APLP2: variants seen among roughly 807,000 people sequenced by gnomAD.
APLP2 encodes the protein amyloid beta precursor like protein 2, also known as CDEI box-binding protein.
In APLP2, 53 loss-of-function variants were observed where a neutral mutation model predicts 89.9. That is an observed-to-expected ratio of 0.59 (90% CI 0.47 to 0.74). The LOEUF (loss-of-function observed/expected upper bound fraction) is 0.74, where lower values mean the gene tolerates loss of function less well. Among genes scored for constraint, APLP2 ranks in the 30% least tolerant of loss-of-function variants. APLP2 has a pLI of 0.00. For missense variants in APLP2, 973 were observed against 975.9 expected (o/e 1.00, Z 0.04); for synonymous variants, 372 against 348.6 (o/e 1.07, Z -0.75).
chr11:130,091,807 C>G (rs1190018948), intron 1 of APLP2, among the ~76,000 whole-genome samples: 1 of 148,902 alleles, frequency 6.7e-6, no homozygotes, highest in Non-Finnish European at 1.5e-5. Flanking sequence ...GGCGGCTGGT[C>G]GGGCGGGGGG....
intron 3 of APLP2, chr11:130,114,445 T>C (rs1948948273): frequency 6.6e-6 from 1 of 152,182 alleles, no homozygotes. Context: ...ATAGCAGGAG[T>C]AGTGCGATAC....
chr11:130,099,924 A>G (rs1318163281), intron 1 of APLP2, among the ~76,000 whole-genome samples: 2 of 152,178 alleles, frequency 1.3e-5, no homozygotes, highest in Admixed American at 1.3e-4. Flanking sequence ...TCTGCGTGTT[A>G]TTTTAATCGA....
chr11:130,122,482 G>C lies in APLP2; in HGVS notation c.891G>C (p.Met297Ile). The change falls in exon 6 of 17, where the codon ATG becomes ATC. Residue 297 changes from methionine to isoleucine, a missense_variant. Transcript: ENST00000338167. Reference protein sequence around the residue: ...NPTEPGSDGTMSDKEITHDVK... With the variant: ...NPTEPGSDGTISDKEITHDVK... ...CTGAACCCGGCAGCGACGGCACCAT[G>C]TCAGACAAGGAAATTACTCATGATG... 1 of 1,614,114 alleles carries C rather than the reference G, an allele frequency of 6.2e-7. No individual in the cohort carries two copies. Among genetic ancestry groups the C allele is most frequent in the South Asian group, 1.1e-5 (1 of 91,080 alleles).
chr11:130,114,609 TA>T (rs1948969284), intron 3 of APLP2, among the ~76,000 whole-genome samples: 1 of 152,228 alleles, frequency 6.6e-6, no homozygotes, highest in African/African-American at 2.4e-5. Flanking sequence ...TACTTTCTGA[TA>T]CAAAAGATTC....
At chr11:130,072,877 A>G (rs998259637) in intron 1 of APLP2, among the ~76,000 whole-genome samples, 1 of 152,212 alleles carries the variant, frequency 6.6e-6, no homozygotes, top group African/African-American at 2.4e-5. Flanking sequence ...AATTTGTTTT[A>G]CCATCTAAAG....
At chr11:130,133,348 C>G (rs1457422420) in intron 11 of APLP2, among the ~76,000 whole-genome samples, 12 of 152,100 alleles carry the variant, frequency 7.9e-5, no homozygotes. Context: ...GTCTCAAACT[C>G]CTTCGCTCAA....
chr11:130,100,809 C>T (rs1325953805), intron 1 of APLP2, among the ~76,000 whole-genome samples: 1 of 152,204 alleles, frequency 6.6e-6, no homozygotes, highest in Non-Finnish European at 1.5e-5. Context: ...ACACCCAGTT[C>T]ACCAGTTTCT....
chr11:130,088,087 T>C (rs75535616), intron 1 of APLP2, among the ~76,000 whole-genome samples: 1 of 152,358 alleles, frequency 6.6e-6, no homozygotes, highest in African/African-American at 2.4e-5. Context: ...TCAGTGAAGA[T>C]GCTGAACTTG....
Position 130,069,903 on chromosome 11 carries a change from T to C in APLP2, c.-75T>C, listed in dbSNP as rs1565539836. The C allele has an allele frequency of 8.7e-7, 1 of 1,153,764 alleles. No individual in the cohort carries two copies. The highest frequency in any genetic ancestry group is 1.2e-6 in the Non-Finnish European group (1 of 824,112). The allele number at this position is 1,153,764 out of a possible 1,614,324, so 71.5% of individuals were successfully genotyped here. A position where few individuals can be genotyped will look rare whatever the true frequency, so the allele number is the denominator to read the frequency against. On this transcript the variant is annotated 5_prime_UTR_variant, in exon 1 of 17. Coordinates refer to ENST00000338167, the MANE Select transcript of APLP2 (RefSeq NM_001142276.2). ...GCGGCGAACTGGCTTTAGATGCTTCTGGGTCGCGGTGTGCTAAGCGAGGAG... is the reference window on the plus strand; with the variant it reads ...GCGGCGAACTGGCTTTAGATGCTTCCGGGTCGCGGTGTGCTAAGCGAGGAG...
chr11:130,103,898 G>A (rs1333463432), intron 1 of APLP2, among the ~76,000 whole-genome samples: 1 of 152,180 alleles, frequency 6.6e-6, no homozygotes, highest in Non-Finnish European at 1.5e-5. Flanking sequence ...ACACTGCTCA[G>A]AAGCTTTCAG....
At chr11:130,135,838 G>A in intron 13 of APLP2, 123 bp downstream of exon 13, 2 of 1,229,070 alleles carry the variant, frequency 1.6e-6, no homozygotes, top group South Asian at 1.5e-5. Context: ...GTCAGGGGAA[G>A]GGAGACTGGA....
At chr11:130,138,316 G>T (rs988992086) in intron 13 of APLP2, among the ~76,000 whole-genome samples, 1 of 152,194 alleles carries the variant, frequency 6.6e-6, no homozygotes, top group Non-Finnish European at 1.5e-5. Flanking sequence ...AAATGACTTC[G>T]TGTAGATGCT....
chr11:130,122,181 G>A (rs1427352235), intron 5 of APLP2, 124 bp from the exon 6 acceptor site: 2 of 1,177,788 alleles, frequency 1.7e-6, no homozygotes, highest in African/African-American at 3.1e-5. Flanking sequence ...TAGTGGCACG[G>A]TGAAATGTGC....
At chr11:130,128,968 A>C (rs1950647831) in intron 9 of APLP2, 80 bp from the exon 10 acceptor site, 1 of 1,493,992 alleles carries the variant, frequency 6.7e-7, no homozygotes, top group African/African-American at 1.4e-5. Flanking sequence ...TGACAGGAGA[A>C]GCACTGGGGT....
Position 130,123,210 on chromosome 11 carries a change from C to T in APLP2, c.923-402C>T, listed in dbSNP as rs1950020363. ...GGGAAACAATTGTCCGTTCTAGGTG[C>T]TTGTCTTTACTACGGGTATCACCAC... On this transcript the variant is annotated intron_variant, in intron 6 of 16. Transcript: ENST00000338167. This position sits in a 1 kb window ranked among gnomAD's most constrained non-coding sequence, Gnocchi z 4.0. Among the ~76,000 whole-genome samples, 2 of 152,170 alleles carry T rather than the reference C, an allele frequency of 1.3e-5. No individual in the cohort carries two copies. The highest frequency in any genetic ancestry group is 4.8e-5 in the African/African-American group (2 of 41,446).
intron 9 of APLP2, among the ~76,000 whole-genome samples, chr11:130,128,775 G>A (rs1950632962): frequency 6.6e-6 from 1 of 152,190 alleles, no homozygotes; most frequent in African/African-American, 2.4e-5. Flanking sequence ...CCTTGGGCTT[G>A]CAGGCACTAG....
intron 1 of APLP2, among the ~76,000 whole-genome samples, chr11:130,090,998 C>A (rs1269485423): frequency 1.8e-4 from 25 of 139,846 alleles, no homozygotes; most frequent in Admixed American, 3.6e-4. Flanking sequence ...GGGGGCCGAC[C>A]CCCCCACCTC....
intron 9 of APLP2, among the ~76,000 whole-genome samples, chr11:130,128,234 T>C (rs1950583402): frequency 6.6e-6 from 1 of 152,252 alleles, no homozygotes; most frequent in Non-Finnish European, 1.5e-5. Context: ...TCTCTAACTT[T>C]GTAGACTATA....
At chr11:130,087,861 T>C (rs1325265782) in intron 1 of APLP2, among the ~76,000 whole-genome samples, 1 of 152,206 alleles carries the variant, frequency 6.6e-6, no homozygotes, top group Non-Finnish European at 1.5e-5. Flanking sequence ...GGCTATTGTT[T>C]TGCAAGATTA....
Sources: allele counts gnomAD v4.1 joint callset (sites outside exome capture counted in the v4.1 genomes callset), GRCh38; gene constraint gnomAD v4.1.1; non-coding constraint Gnocchi (gnomAD v3.1); transcripts MANE v1.5; gene names NCBI Gene and HGNC (gene_info 2026-07-23, HGNC 2026-07-21).